IKBKB: variants seen among roughly 807,000 people sequenced by gnomAD.
The protein encoded by IKBKB is inhibitor of nuclear factor kappa B kinase subunit beta, also known as inhibitor of nuclear factor kappa-B kinase subunit beta.
Under a neutral mutation model 113.6 loss-of-function variants are expected in IKBKB, and 42 were observed. The ratio of observed to expected loss-of-function variants is 0.37; its 90% confidence interval spans 0.29 to 0.48. IKBKB has a LOEUF of 0.48. Among genes scored for constraint, IKBKB ranks in the 20% least tolerant of loss-of-function variants. IKBKB has a pLI of 0.99. For synonymous variants in IKBKB, 296 were observed against 361.3 expected, an observed-to-expected ratio of 0.82 and a Z score of 2.05; for missense variants, 673 against 939.7, an observed-to-expected ratio of 0.72 and a Z score of 3.71.
intron 2 of IKBKB, chr8:42,272,501 A>C (rs1410050532): frequency 1.1e-5 from 5 of 470,440 alleles, no homozygotes; most frequent in African/African-American, 9.9e-5. Context: ...TACTGATATT[A>C]TATGTTATAA....
chr8:42,290,309 C>T (rs1373183814), intron 4 of IKBKB, 36 bp downstream of exon 4: 8 of 1,440,600 alleles, frequency 5.6e-6, no homozygotes, highest in Middle Eastern at 3.5e-4. Context: ...CACAGCCTGT[C>T]TGGGCAGGTG....
At chr8:42,330,876 G>A in intron 21 of IKBKB, 38 bp from the exon 22 acceptor site, 1 of 1,614,114 alleles carries the variant, frequency 6.2e-7, no homozygotes, top group Admixed American at 1.7e-5. Context: ...AAATGTGTTG[G>A]TGGCTGTTGT....
chr8:42,298,325 C>G (rs1814345245), intron 5 of IKBKB: 1 of 985,302 alleles, frequency 1.0e-6, no homozygotes, highest in South Asian at 4.7e-5. Flanking sequence ...TGACACCATC[C>G]TGTGCTCCAG....
intron 2 of IKBKB, among the ~76,000 whole-genome samples, chr8:42,278,860 G>A (rs1809735673): frequency 6.6e-6 from 1 of 152,168 alleles, no homozygotes; most frequent in Non-Finnish European, 1.5e-5. Flanking sequence ...CAGGCATGGT[G>A]GCGCATGCCT....
rs1297111279 is a variant in IKBKB, at chr8:42,322,554, C to CT, written c.1986+61dup. The CT allele has an allele frequency of 5.0e-5, 79 of 1,569,304 alleles. No individual in the cohort carries two copies. In the Admixed American group the frequency reaches 1.2e-3, roughly 24 times the overall value. On this transcript the variant is annotated intron_variant, in intron 19 of 21. Coordinates refer to ENST00000520810, the MANE Select transcript of IKBKB (RefSeq NM_001556.3). ...AGCAGCCTCCTGTGCCTTTCCACCT[C>CT]TGTGCACTGCCGCCATCCCACACGG...
rs756542932 is a variant in IKBKB at position 42,318,536 on chromosome 8, G to T, written c.1241-16G>T. ...TGTGGTTATTCTTTGACAATTGCTTGTGTCTCTGTCTCCAGTTCAAGAGCC... is the reference window on the plus strand; with the variant it reads ...TGTGGTTATTCTTTGACAATTGCTTTTGTCTCTGTCTCCAGTTCAAGAGCC... On this transcript the variant is annotated splice_polypyrimidine_tract_variant and intron_variant, in intron 12 of 21. Coordinates refer to ENST00000520810, the MANE Select transcript of IKBKB (RefSeq NM_001556.3). 1 of 1,611,050 alleles carries T rather than the reference G, an allele frequency of 6.2e-7. No homozygotes were observed. Among genetic ancestry groups the T allele is most frequent in the South Asian group, 1.1e-5 (1 of 90,936 alleles).
chr8:42,325,673 C>T, intron 19 of IKBKB: 4 of 1,136,858 alleles, frequency 3.5e-6, no homozygotes, highest in East Asian at 6.8e-5. Context: ...GCAAGACTCT[C>T]AATCATAATC....
intron 1 of IKBKB, chr8:42,271,756 C>T (rs571846331): frequency 2.2e-5 from 11 of 500,394 alleles, no homozygotes; most frequent in East Asian, 2.2e-4. Flanking sequence ...CCTGCCACCT[C>T]GGGCAGAAGG....
At chr8:42,303,146 AT>A (rs1815759069) in intron 5 of IKBKB, among the ~76,000 whole-genome samples, 1 of 96,752 alleles carries the variant, frequency 1.0e-5, no homozygotes, top group Non-Finnish European at 2.4e-5. Context: ...AGGAGAGAGA[AT>A]GAGAGAGAGA....
Position 42,294,793 on chromosome 8 carries a change from A to G in IKBKB, c.388+1281A>G, listed in dbSNP as rs369789568. On this transcript the variant is annotated intron_variant, in intron 5 of 21. Coordinates refer to ENST00000520810, the MANE Select transcript of IKBKB (RefSeq NM_001556.3). ...AGTCTCTTCTCTGTCTACCTAGAGCATAATCCATCAGTTAGAAATTCCACT... is the reference window on the plus strand; with the variant it reads ...AGTCTCTTCTCTGTCTACCTAGAGCGTAATCCATCAGTTAGAAATTCCACT... 2.0e-4 allele frequency among the ~76,000 whole-genome samples: 31 copies of G among 152,324 alleles called. 2 individuals carry two copies. Among genetic ancestry groups the G allele is most frequent in the East Asian group, 1.2e-3 (6 of 5,190 alleles).
At chr8:42,309,618 G>A (rs138914039) in intron 8 of IKBKB, 8 of 215,710 alleles carry the variant, frequency 3.7e-5, no homozygotes, top group East Asian at 1.5e-4. Context: ...GTGTGGTGGC[G>A]GGCGCCTGTA....
At chr8:42,305,762 G>GT (rs1425275659) in intron 6 of IKBKB, among the ~76,000 whole-genome samples, 1 of 152,224 alleles carries the variant, frequency 6.6e-6, no homozygotes, top group Non-Finnish European at 1.5e-5. Flanking sequence ...CAGACGTGGT[G>GT]TTGACTGCCC....
chr8:42,287,849 T>C (rs1811725952), intron 2 of IKBKB, among the ~76,000 whole-genome samples: 3 of 152,156 alleles, frequency 2.0e-5, no homozygotes, highest in African/African-American at 7.2e-5. Context: ...GACAAAACTC[T>C]CACATGAAAC....
chr8:42,274,345 A>T (rs1808467146), intron 2 of IKBKB, among the ~76,000 whole-genome samples: 2 of 152,246 alleles, frequency 1.3e-5, no homozygotes, highest in South Asian at 4.1e-4. Context: ...TATACAATAA[A>T]GTTTTATTCA....
At position 42,272,194 on chromosome 8, in the gene IKBKB, TG is replaced by T. The variant is rs1807918890; in HGVS notation, c.96del (p.Trp32CysfsTer34). The stretch of plus-strand genomic sequence containing the variant: ...AGGGGGATTTGGAAATGTCATCCGA[TG>T]GCACAATCAGGTAGGCCCTCTGTGC... ...GTGGFGNVIR[W>X]HNQETGEQIA... On this transcript the variant is annotated frameshift_variant, in exon 2 of 22. Coordinates refer to ENST00000520810, the MANE Select transcript of IKBKB (RefSeq NM_001556.3). LOFTEE classifies it high-confidence loss of function. The T allele has an allele frequency of 6.2e-7, 1 of 1,614,024 alleles. No individual in the cohort carries two copies. Among genetic ancestry groups the T allele is most frequent in the Non-Finnish European group, 8.5e-7 (1 of 1,180,042 alleles).
intron 2 of IKBKB, among the ~76,000 whole-genome samples, chr8:42,273,249 T>G (rs1160255060): frequency 6.6e-6 from 1 of 151,994 alleles, no homozygotes; most frequent in Non-Finnish European, 1.5e-5. Context: ...AAACCTCATC[T>G]CTACTAAAAA....
intron 5 of IKBKB, among the ~76,000 whole-genome samples, chr8:42,296,224 C>T (rs1245275467): frequency 1.3e-5 from 2 of 152,206 alleles, no homozygotes; most frequent in Non-Finnish European, 1.5e-5. Flanking sequence ...GAGCTGGATG[C>T]GGTGGCTCAC....
intron 5 of IKBKB, among the ~76,000 whole-genome samples, chr8:42,302,559 A>G (rs1053531902): frequency 1.1e-4 from 16 of 152,218 alleles, no homozygotes; most frequent in Non-Finnish European, 2.9e-5. Flanking sequence ...TTGTACACTG[A>G]CATGATGCCA....
At chr8:42,307,900 C>G (rs1013168329) in intron 7 of IKBKB, among the ~76,000 whole-genome samples, 6 of 152,170 alleles carry the variant, frequency 3.9e-5, no homozygotes, top group Admixed American at 2.6e-4. Context: ...CCAACCAGAC[C>G]ATGCACCACC....
Sources: gnomAD v4.1 joint callset for allele counts (sites outside exome capture counted in the v4.1 genomes callset) on GRCh38, gnomAD v4.1.1 for gene constraint, MANE v1.5 for transcripts, NCBI Gene and HGNC (gene_info 2026-07-23, HGNC 2026-07-21) for gene names.